The following SLC39A4 variants were observed in gnomAD, a reference collection of about 807,000 sequenced individuals.
SLC39A4 encodes the protein solute carrier family 39 member 4, also known as zinc transporter ZIP4.
In SLC39A4, 49 loss-of-function variants were observed where a neutral mutation model predicts 56.6. That is an observed-to-expected ratio of 0.87 (90% CI 0.69 to 1.10). The LOEUF (loss-of-function observed/expected upper bound fraction) is 1.10, where lower values mean the gene tolerates loss of function less well. Among genes scored for constraint, SLC39A4 ranks in the 50% least tolerant of loss-of-function variants. The pLI is 0.00. For synonymous variants in SLC39A4, 540 were observed against 420.4 expected (o/e 1.28, Z -3.48); for missense variants, 993 against 864.2 (o/e 1.15, Z -1.87).
At position 144,416,249 on chromosome 8, in the gene SLC39A4, C is replaced by G. The variant is rs782363754; in HGVS notation, c.193-158G>C. ...GGCGCCCTTCCGTCTCCCCAGGCCC[C>G]TGTCCTGCTTCCCCAACTACAGGGG... On this transcript the variant is annotated intron_variant, in intron 1 of 11. Coordinates refer to ENST00000301305, the MANE Select transcript of SLC39A4 (RefSeq NM_130849.4). 115 of 1,548,832 alleles carry G rather than the reference C, an allele frequency of 7.4e-5. 1 individual carries two copies. In the South Asian group the frequency reaches 1.3e-3, roughly 17 times the overall value.
At chr8:144,413,421 G>A in intron 9 of SLC39A4, 32 bp from the exon 10 acceptor site, 1 of 1,602,236 alleles carries the variant, frequency 6.2e-7, no homozygotes. Flanking sequence ...GGTTCGCGTG[G>A]CCTGTCGCCT....
At chr8:144,416,458 G>C in intron 1 of SLC39A4, 140 bp downstream of exon 1, 1 of 1,464,196 alleles carries the variant, frequency 6.8e-7, no homozygotes, top group Middle Eastern at 2.5e-4. Flanking sequence ...CTGGCCTGTG[G>C]GGAGGGTCAG....
rs1822128152 is a variant in SLC39A4 at position 144,415,350 on chromosome 8, CG to C, written c.543del (p.Val182SerfsTer38). 1 of 1,611,676 alleles carries C rather than the reference CG, an allele frequency of 6.2e-7. No individual in the cohort carries two copies. Among genetic ancestry groups the C allele is most frequent in the Non-Finnish European group, 8.5e-7 (1 of 1,179,424 alleles). Reference protein sequence around the residue: ...VGAGAPGSAGGVLAALLDHVR... With the variant: ...VGAGAPGSAGXVLAALLDHVR... ...ACATGGTCCAGCAGGGCAGCCAGGA[CG>C]CCGCCAGCACTGCCCGGAGCCCCCG... On this transcript the variant is annotated frameshift_variant, in exon 3 of 12. Transcript: ENST00000301305. LOFTEE classifies it high-confidence loss of function.
In SLC39A4 at chr8:144,414,345, C is replaced by T. The variant is rs782320992; in HGVS notation, c.1066G>A (p.Val356Ile). 2 of 1,588,804 alleles carry T rather than the reference C, an allele frequency of 1.3e-6. No homozygotes were observed. Among genetic ancestry groups the T allele is most frequent in the East Asian group, 2.3e-5 (1 of 44,194 alleles). ...LLLTCTGCRG[V>I]THYILQTFLS... ...AAGGTCTGCAGGATGTAGTGGGTGA[C>T]CCCCCTGCAGCCAGTGCAGGTCAGC... Residue 356 changes from valine to isoleucine, a missense_variant, in exon 6 of 12, where the codon GTC becomes ATC. Physicochemically the swap from Val to Ile is conservative, Grantham distance 29. Coordinates refer to ENST00000301305, the MANE Select transcript of SLC39A4 (RefSeq NM_130849.4).
At position 144,413,499 on chromosome 8, in the gene SLC39A4, C is replaced by CT. The variant is rs1821995561; in HGVS notation, c.1474+13_1474+14insA. On this transcript the variant is annotated intron_variant, in intron 9 of 11. Transcript: ENST00000301305. ...AGATCCCCCAGCCCTTCCGGGGTCG[C>CT]CCCCTGGGCTCACCTGGGCTCAGTC... 1 of 1,557,754 alleles carries CT rather than the reference C, an allele frequency of 6.4e-7. No homozygotes were observed. The highest frequency in any genetic ancestry group is 2.4e-5 in the East Asian group (1 of 41,532).
chr8:144,412,766 C>T lies in SLC39A4; in HGVS notation c.1808G>A (p.Cys603Tyr), dbSNP rs782373657. The T allele has an allele frequency of 2.5e-6, 4 of 1,613,132 alleles. No homozygotes were observed. The South Asian group carries it at 3.3e-5, about 13-fold the overall frequency. Residue 603 changes from cysteine to tyrosine, a missense_variant, in exon 11 of 12, where the codon TGC becomes TAC. Transcript: ENST00000301305. Reference sequence around the variant, plus strand: ...TCCCCTCGCCATCCTGACCATGTCGCAGAGTGCTACGTAGAGGAACAGGCC... The same window carrying T: ...TCCCCTCGCCATCCTGACCATGTCGTAGAGTGCTACGTAGAGGAACAGGCC... ...ATGLFLYVAL[C>Y]DMLPAMLKVR... is the part of the protein sequence containing the mutation.
In SLC39A4 at chr8:144,415,933, G is replaced by A. The variant is rs1012690987; in HGVS notation, c.351C>T (p.Gly117=). 1 of 1,595,346 alleles carries A rather than the reference G, an allele frequency of 6.3e-7. No homozygotes were observed. Residue 117 remains glycine (G), a synonymous_variant, in exon 2 of 12, where the codon GGC becomes GGT. Coordinates refer to ENST00000301305, the MANE Select transcript of SLC39A4 (RefSeq NM_130849.4). ...GGTGGTCTGCATGAGAGGCCCAGAGGCCAGCCCGAGCGTCCTCACAGGTGC... is the reference window on the plus strand; with the variant it reads ...GGTGGTCTGCATGAGAGGCCCAGAGACCAGCCCGAGCGTCCTCACAGGTGC... ...PEGTCEDARA[G]LWASHADHLL... is the part of the protein sequence containing the mutation.
Position 144,416,066 on chromosome 8 carries a change from C to G in SLC39A4, c.218G>C (p.Gly73Ala). The part of the protein sequence containing the change: ...GKCLSVEDAL[G>A]LGEPEGSGLP... ...CCCTGACCCCTCAGGCTCGCCCAGGCCCAGGGCGTCCTCCACAGACAGGCA... is the reference window on the plus strand; with the variant it reads ...CCCTGACCCCTCAGGCTCGCCCAGGGCCAGGGCGTCCTCCACAGACAGGCA... The change falls in exon 2 of 12, where the codon GGC (glycine) becomes GCC (alanine). Residue 73 changes from glycine to alanine, a missense_variant. Physicochemically the swap from Gly to Ala is moderately conservative, Grantham distance 60 (BLOSUM62 0). Transcript: ENST00000301305. The G allele has an allele frequency of 6.3e-7, 1 of 1,593,956 alleles. No homozygotes were observed. Among genetic ancestry groups the G allele is most frequent in the Non-Finnish European group, 8.5e-7 (1 of 1,173,888 alleles).
rs1554872413 is a variant in SLC39A4, at chr8:144,413,522, G to C, written c.1465C>G (p.Leu489Val). ...PELLNPEPRR[L>V]SPELRLLPYM... ...CGCCCCCTGGGCTCACCTGGGCTCAGTCTCCTGGGCTCAGGGTTCAGCAGC... is the reference window on the plus strand; with the variant it reads ...CGCCCCCTGGGCTCACCTGGGCTCACTCTCCTGGGCTCAGGGTTCAGCAGC... The change falls in exon 9 of 12, where the codon CTG becomes GTG. Residue 489 changes from leucine (L) to valine (V), a missense_variant. Transcript: ENST00000301305. 3 of 1,556,824 alleles carry C rather than the reference G, an allele frequency of 1.9e-6. No homozygotes were observed. The East Asian group carries it at 7.2e-5, about 38-fold the overall frequency.
In SLC39A4 at chr8:144,415,885, G is replaced by A. The variant is rs782806455; in HGVS notation, c.399C>T (p.Pro133=). 1.3e-6 allele frequency: 2 copies of A among 1,596,540 alleles called. No homozygotes were observed. The highest frequency in any genetic ancestry group is 1.3e-5 in the African/African-American group (1 of 74,768). ...AGCTCAGGCCCGGGGTCAGGGCCTT[G>A]GGGCTCTCGAGCAGGGCCAGGAGGT... is the stretch of plus-strand genomic sequence containing the variant. ...ADHLLALLES[P]KALTPGLSWL... Residue 133 remains proline, a synonymous_variant, in exon 2 of 12, where the codon CCC becomes CCT. Transcript: ENST00000301305.
At chr8:144,415,475 C>T in intron 2 of SLC39A4, 56 bp from the exon 3 acceptor site, 1 of 1,525,766 alleles carries the variant, frequency 6.6e-7, no homozygotes, top group Non-Finnish European at 8.9e-7. Flanking sequence ...GCCATCCACC[C>T]CGCTGCCCCT....
chr8:144,415,835 C>A lies in SLC39A4; in HGVS notation c.449G>T (p.Arg150Leu). Residue 150 changes from arginine (R) to leucine (L), a missense_variant, in exon 2 of 12, where the codon CGG becomes CTG. Transcript: ENST00000301305. ...LSWLLQRMQA[R>L]AAGQTPKMAC... ...CATCTTGGGGGTCTGGCCGGCAGCC[C>A]GGGCCTGCATCCTCTGCAGCAGCCA... 6.3e-7 allele frequency: 1 copy of A among 1,595,318 alleles called. No homozygotes were observed. Among genetic ancestry groups the A allele is most frequent in the Non-Finnish European group, 8.5e-7 (1 of 1,175,650 alleles).
rs782568816 is a variant in SLC39A4 at position 144,416,814 on chromosome 8, G to A, written c.-25C>T. 6.2e-7 allele frequency: 1 copy of A among 1,603,382 alleles called. No individual in the cohort carries two copies. The highest frequency in any genetic ancestry group is 8.5e-7 in the Non-Finnish European group (1 of 1,176,350). ...TACTCAGCTCCCAGCGTGCTCAGTG[G>A]GTGTTGCTGTGGCCAAGGCCCAGTG... On this transcript the variant is annotated 5_prime_UTR_variant, in exon 1 of 12. Coordinates refer to ENST00000301305, the MANE Select transcript of SLC39A4 (RefSeq NM_130849.4).
chr8:144,415,273 GTCCA>G lies in SLC39A4; in HGVS notation c.617_620del (p.Val206AlafsTer13), dbSNP rs1822122907. On this transcript the variant is annotated frameshift_variant, in exon 3 of 12. Transcript: ENST00000301305. LOFTEE classifies it high-confidence loss of function. ...CGCTGCTGTGCTGCTGGAACACAAA[GTCCA>G]CGAAGTACTGAGGGCTCGGCAAGGC... is the stretch of plus-strand genomic sequence containing the variant. 6.2e-7 allele frequency: 1 copy of G among 1,613,174 alleles called. No homozygotes were observed. Among genetic ancestry groups the G allele is most frequent in the Non-Finnish European group, 8.5e-7 (1 of 1,179,868 alleles).
In SLC39A4 at chr8:144,412,833, C is replaced by G; in HGVS notation, c.1741G>C (p.Val581Leu). The G allele has an allele frequency of 6.2e-7, 1 of 1,612,964 alleles. No individual in the cohort carries two copies. Among genetic ancestry groups the G allele is most frequent in the South Asian group, 1.1e-5 (1 of 91,084 alleles). The change falls in exon 11 of 12, where the codon GTC becomes CTC. Residue 581 changes from valine (V) to leucine (L), a missense_variant. By Grantham distance (32) the Val-to-Leu change is conservative. Transcript: ENST00000301305. ...ATCCAGGCCTCGCTCTCCTCGCTGA[C>G]TCCAACCGCGAGTGCCACGTAGAGA... ...AGLYVALAVG[V>L]SEESEAWILA... is the part of the protein sequence containing the mutation.
chr8:144,415,027 G>A lies in SLC39A4; in HGVS notation c.751C>T (p.Arg251Trp), dbSNP rs2977838. 70,202 of 1,611,662 alleles carry A rather than the reference G, an allele frequency of 0.044. 1,877 individuals are homozygous for A. The highest frequency in any genetic ancestry group is 0.052 in the Non-Finnish European group (61,608 of 1,179,926). Residue 251 changes from arginine (R) to tryptophan (W), a missense_variant, in exon 4 of 12, where the codon CGG (arginine) becomes TGG (tryptophan). Arg to Trp is a moderately radical substitution (Grantham distance 101, BLOSUM62 -3). Transcript: ENST00000301305. The part of the protein sequence containing the change: ...HSHRHRGASS[R>W]DPVPLISSSN... ...GAGCTGATGAGGGGCACAGGGTCCC[G>A]GCTGCTGGCTCCCCTGTGCCGATGA...
intron 9 of SLC39A4, 46 bp from the exon 10 acceptor site, chr8:144,413,435 G>A (rs1554872353): frequency 1.9e-6 from 3 of 1,591,978 alleles, no homozygotes; most frequent in Non-Finnish European, 2.6e-6. Context: ...GTCGCCTACC[G>A]CCAAGCCTTG....
rs1554873282 is a variant in SLC39A4, at chr8:144,414,869, C to T, written c.832G>A (p.Ala278Thr). 2.5e-6 allele frequency: 4 copies of T among 1,613,370 alleles called. No homozygotes were observed. Among genetic ancestry groups the T allele is most frequent in the Admixed American group, 1.7e-5 (1 of 60,016 alleles). The change falls in exon 5 of 12, where the codon GCT becomes ACT. Residue 278 changes from alanine (A) to threonine (T), a missense_variant. By Grantham distance (58) the Ala-to-Thr change is moderately conservative (BLOSUM62 0). Coordinates refer to ENST00000301305, the MANE Select transcript of SLC39A4 (RefSeq NM_130849.4). Reference sequence around the variant, plus strand: ...GCCTGTTCCGACAGTCCATATGCAGCCATCACGTCCCTGGCACTCAGGCAT... The same window carrying T: ...GCCTGTTCCGACAGTCCATATGCAGTCATCACGTCCCTGGCACTCAGGCAT... The part of the protein sequence containing the change: ...TVCLSARDVM[A>T]AYGLSEQAGV...
At position 144,413,825 on chromosome 8, in the gene SLC39A4, G is replaced by A. The variant is rs782730133; in HGVS notation, c.1344C>T (p.His448=). ...HSSHSHGGHS[H]GVSLQLAPSE... Reference sequence around the variant, plus strand: ...TGGGTGCCAGCTGCAGGGACACACCGTGGCTGTGGCCCCCGTGGCTATGGC... The same window carrying A: ...TGGGTGCCAGCTGCAGGGACACACCATGGCTGTGGCCCCCGTGGCTATGGC... Residue 448 remains histidine (H), a synonymous_variant, in exon 8 of 12, where the codon CAC becomes CAT. Transcript: ENST00000301305. 2.5e-6 allele frequency: 4 copies of A among 1,587,700 alleles called. No individual in the cohort carries two copies. The highest frequency in any genetic ancestry group is 1.1e-5 in the South Asian group (1 of 88,036).
Sources: allele counts gnomAD v4.1 joint callset, GRCh38; gene constraint gnomAD v4.1.1; transcripts MANE v1.5; gene names NCBI Gene and HGNC (gene_info 2026-07-23, HGNC 2026-07-21).